Variants in SEMA4D observed in about 807,000 individuals in gnomAD.
The protein encoded by SEMA4D is semaphorin 4D.
SEMA4D carries 22 observed loss-of-function variants against 74.8 expected under a neutral mutation model. The ratio of observed to expected loss-of-function variants is 0.29; its 90% CI spans 0.21 to 0.42. The LOEUF (loss-of-function observed/expected upper bound fraction) is 0.42. Among genes scored for constraint, SEMA4D ranks in the 10% least tolerant of loss-of-function variants. The pLI is 1.00. For missense variants in SEMA4D, 937 were observed against 1,118.4 expected (o/e 0.84, Z 2.31); for synonymous variants, 445 against 463.7 (o/e 0.96, Z 0.52).
At chr9:89,401,522 G>A (rs965148162) in intron 4 of SEMA4D, among the ~76,000 whole-genome samples, 5 of 152,136 alleles carry the variant, frequency 3.3e-5, no homozygotes, top group South Asian at 2.1e-4. Flanking sequence ...ACCCCACACC[G>A]CGAGGTCTCA....
intron 13 of SEMA4D, chr9:89,385,202 T>TGC (rs1349465880): frequency 1.1e-6 from 1 of 936,632 alleles, no homozygotes; most frequent in African/African-American, 1.8e-5. Context: ...TGAGGATCAG[T>TGC]GCCCATGTGC....
intron 1 of SEMA4D, among the ~76,000 whole-genome samples, chr9:89,465,422 AGGG>A (rs970301736): frequency 6.6e-6 from 1 of 152,164 alleles, no homozygotes; most frequent in Non-Finnish European, 1.5e-5. Context: ...ATCCCTTCAG[AGGG>A]GAAGTCAAAG....
intron 13 of SEMA4D, chr9:89,385,187 G>T (rs1194801185): frequency 1.1e-6 from 1 of 916,896 alleles, no homozygotes; most frequent in Admixed American, 6.2e-5. Context: ...ACCCCCTTCT[G>T]CCTTTGAGGA....
Position 89,450,231 on chromosome 9 carries a change from G to A in SEMA4D, c.-244+5657C>T. On this transcript the variant is annotated intron_variant, in intron 2 of 15. Coordinates refer to ENST00000422704, the MANE Select transcript of SEMA4D (RefSeq NM_001371194.2). ...TGAATTTGAGGTACATGAAGTATAT[G>A]CTGTGGATGTTCTCATCAGCTCAGG... is the stretch of plus-strand genomic sequence containing the variant. 3.3e-6 allele frequency: 4 copies of A among 1,220,844 alleles called. No individual in the cohort carries two copies. The South Asian group carries it at 3.6e-5, about 11-fold the overall frequency. The allele number at this position is 1,220,844 out of a possible 1,614,324, so 75.6% of individuals were successfully genotyped here. A position where few individuals can be genotyped will look rare whatever the true frequency, so the allele number is the denominator to read the frequency against.
At chr9:89,457,353 GCCATGGAAACCTTCCAAGT>G (rs1454687289) in intron 1 of SEMA4D, among the ~76,000 whole-genome samples, 1 of 152,174 alleles carries the variant, frequency 6.6e-6, no homozygotes, top group African/African-American at 2.4e-5. Context: ...TCGTAGCAAA[GCCATGGAAACCTTCCAAGT>G]CCATCAGTGG....
At position 89,461,704 on chromosome 9, in the gene SEMA4D, T is replaced by C. The variant is rs867830997; in HGVS notation, c.-309-5751A>G. The stretch of plus-strand genomic sequence containing the variant: ...CAATGTGTATTTCTTTTTTCTCTTT[T>C]TTTTTTTTTTTTTTTGGAGACAGAG... On this transcript the variant is annotated intron_variant, in intron 1 of 15. Coordinates refer to ENST00000422704, the MANE Select transcript of SEMA4D (RefSeq NM_001371194.2). Among the ~76,000 whole-genome samples, 36 of 113,752 alleles carry C rather than the reference T, an allele frequency of 3.2e-4. 1 individual carries two copies. Among genetic ancestry groups the C allele is most frequent in the East Asian group, 2.3e-3 (9 of 3,884 alleles). The allele number at this position is 113,752 out of a possible 152,430, so 74.6% of individuals were successfully genotyped here.
chr9:89,434,827 G>A (rs535934060), intron 2 of SEMA4D, among the ~76,000 whole-genome samples: 45 of 152,310 alleles, frequency 3.0e-4, no homozygotes, highest in African/African-American at 9.6e-4. Flanking sequence ...CCAGGGCCCT[G>A]TCAGGGAATG....
chr9:89,395,804 C>A (rs1840836157), intron 6 of SEMA4D, among the ~76,000 whole-genome samples: 1 of 152,142 alleles, frequency 6.6e-6, no homozygotes, highest in Non-Finnish European at 1.5e-5. Context: ...TGAGGCCATA[C>A]GTTGTCTTGT....
intron 4 of SEMA4D, among the ~76,000 whole-genome samples, chr9:89,401,574 G>T (rs369998763): frequency 6.6e-6 from 1 of 152,212 alleles, no homozygotes; most frequent in African/African-American, 2.4e-5. Context: ...TGGATGCGAC[G>T]ATTTGAGCAT....
intron 2 of SEMA4D, among the ~76,000 whole-genome samples, chr9:89,435,556 C>T (rs1004475610): frequency 6.6e-6 from 1 of 152,172 alleles, no homozygotes; most frequent in Non-Finnish European, 1.5e-5. Context: ...CTCTGACTTT[C>T]ACACACCTGG....
At chr9:89,385,743 C>A (rs1838297625) in intron 13 of SEMA4D, 1 of 427,912 alleles carries the variant, frequency 2.3e-6, no homozygotes, top group African/African-American at 2.2e-5. Flanking sequence ...GGGCCCTCTT[C>A]CTCTGCCTGT....
rs986840497 is a variant in SEMA4D, at chr9:89,379,330, C to G, written c.1963G>C (p.Ala655Pro). The change falls in exon 16 of 16, where the codon GCC becomes CCC. Residue 655 changes from alanine to proline, a missense_variant. By Grantham distance (27) the Ala-to-Pro change is conservative. Transcript: ENST00000422704. ...GTCTGAACAACTGACAAGGTGGGGG[C>G]CACTACGGGCTTTGGAACCACCTTC... ...EVKVVPKPVV[A>P]PTLSVVQTEG... 1.2e-6 allele frequency: 2 copies of G among 1,614,012 alleles called. No homozygotes were observed. Among genetic ancestry groups the G allele is most frequent in the African/African-American group, 2.7e-5 (2 of 74,900 alleles).
intron 2 of SEMA4D, chr9:89,406,018 G>T: frequency 1.1e-6 from 1 of 879,722 alleles, no homozygotes; most frequent in Non-Finnish European, 1.4e-6. Context: ...CTTCCTTCCT[G>T]TGTGGCTGCT....
chr9:89,367,467 C>T (rs1833858624), intron 16 of SEMA4D: 1 of 152,338 alleles, frequency 6.6e-6, no homozygotes, highest in South Asian at 2.1e-4. Flanking sequence ...CCCTTGGCCT[C>T]TGTGGGGTGG....
intron 1 of SEMA4D, among the ~76,000 whole-genome samples, chr9:89,491,103 A>G (rs1485639477): frequency 6.6e-6 from 1 of 152,256 alleles, no homozygotes; most frequent in Non-Finnish European, 1.5e-5. Context: ...ATGTCAATAA[A>G]ACTGAGTAGG....
Position 89,379,285 on chromosome 9 carries a change from T to C in SEMA4D, c.2008A>G (p.Thr670Ala). 3.1e-6 allele frequency: 5 copies of C among 1,614,058 alleles called. No individual in the cohort carries two copies. The highest frequency in any genetic ancestry group is 4.2e-6 in the Non-Finnish European group (5 of 1,180,008). ...VVQTEGSRIA[T>A]KVLVASTQGS... Reference sequence around the variant, plus strand: ...TGGGTGGATGCCACCAACACTTTGGTGGCAATCCTACTACCTTCTGTCTGA... The same window carrying C: ...TGGGTGGATGCCACCAACACTTTGGCGGCAATCCTACTACCTTCTGTCTGA... Residue 670 changes from threonine to alanine, a missense_variant, in exon 16 of 16, where the codon ACC becomes GCC. Physicochemically the swap from Thr to Ala is moderately conservative, Grantham distance 58. Coordinates refer to ENST00000422704, the MANE Select transcript of SEMA4D (RefSeq NM_001371194.2).
rs112699856 is a variant in SEMA4D at position 89,438,673 on chromosome 9, CTTTT to C, written c.-244+17211_-244+17214del. Among the ~76,000 whole-genome samples the C allele has an allele frequency of 2.7e-5, 4 of 149,232 alleles. No individual in the cohort carries two copies. The South Asian group carries it at 8.4e-4, about 32-fold the overall frequency. ...AAATACAATGTATGTTTTTTCTTTT[CTTTT>C]TTTTTTAAGACGGAGTCTCGCTCTG... On this transcript the variant is annotated intron_variant, in intron 2 of 15. Transcript: ENST00000422704.
chr9:89,438,912 G>A (rs1439552793), intron 2 of SEMA4D, among the ~76,000 whole-genome samples: 1 of 134,212 alleles, frequency 7.5e-6, no homozygotes, highest in Non-Finnish European at 1.5e-5. Flanking sequence ...TGATCCACCC[G>A]CCTCGGCCTC....
chr9:89,398,745 C>T (rs1841554827), intron 5 of SEMA4D, among the ~76,000 whole-genome samples: 1 of 152,214 alleles, frequency 6.6e-6, no homozygotes, highest in Non-Finnish European at 1.5e-5. Flanking sequence ...AAGCCTGCTC[C>T]TGCTGGCACC....
Sources: gnomAD v4.1 joint callset for allele counts (sites outside exome capture counted in the v4.1 genomes callset) on GRCh38, gnomAD v4.1.1 for gene constraint, MANE v1.5 for transcripts, NCBI Gene and HGNC (gene_info 2026-07-23, HGNC 2026-07-21) for gene names.